Variants in NUP93 observed in about 807,000 individuals in gnomAD.
NUP93 encodes the protein nucleoporin 93.
Under a neutral mutation model 107.8 loss-of-function variants are expected in NUP93, and 55 were observed. That is an observed-to-expected ratio of 0.51 (90% confidence interval 0.41 to 0.64). The LOEUF is 0.64. Among genes scored for constraint, NUP93 ranks in the 30% least tolerant of loss-of-function variants. The pLI, the probability that NUP93 is intolerant of heterozygous loss-of-function variation, is 0.00. For synonymous variants in NUP93, 390 were observed against 397.5 expected, an observed-to-expected ratio of 0.98 and a Z score of 0.22; for missense variants, 937 against 1,044.7, an observed-to-expected ratio of 0.90 and a Z score of 1.42.
At chr16:56,810,524 C>G (rs901955734) in intron 5 of NUP93, among the ~76,000 whole-genome samples, 6 of 152,092 alleles carry the variant, frequency 3.9e-5, no homozygotes, top group Admixed American at 6.5e-5. Context: ...CTGGGCTACT[C>G]AAGAGCCTCA....
At chr16:56,783,980 G>A (rs960799528) in intron 3 of NUP93, 3 of 762,170 alleles carry the variant, frequency 3.9e-6, no homozygotes, top group Non-Finnish European at 4.8e-6. Context: ...AAAGTGTAAC[G>A]CAGAGGTTCT....
intron 4 of NUP93, among the ~76,000 whole-genome samples, chr16:56,803,547 C>T (rs1428575492): frequency 2.0e-5 from 3 of 151,616 alleles, no homozygotes; most frequent in Admixed American, 6.6e-5. Flanking sequence ...TTTTATAATC[C>T]GTCATTATTT....
chr16:56,839,129 C>T (rs1369663104), intron 19 of NUP93, 60 bp downstream of exon 19: 2 of 1,100,318 alleles, frequency 1.8e-6, no homozygotes. Context: ...AAATTCAAAA[C>T]ACTTCATGGA....
Position 56,848,696 on chromosome 16 carries a change from C to G in NUP93, c.*4087C>G, listed in dbSNP as rs573995873. 2.6e-5 allele frequency: 4 copies of G among 152,244 alleles called. No individual in the cohort carries two copies. Among genetic ancestry groups the G allele is most frequent in the African/African-American group, 9.6e-5 (4 of 41,554 alleles). 9.4% of individuals were successfully genotyped at this position (152,244 alleles called of 1,614,324 possible). A position where few individuals can be genotyped will look rare whatever the true frequency, so the allele number is the denominator to read the frequency against. Reference sequence around the variant, plus strand: ...CAAGTGGTCTGTGCTGCTTTTTTGCCTTGTTACGCACATAACTTGTGACTG... The same window carrying G: ...CAAGTGGTCTGTGCTGCTTTTTTGCGTTGTTACGCACATAACTTGTGACTG... On this transcript the variant is annotated 3_prime_UTR_variant, in exon 22 of 22. Transcript: ENST00000308159.
At chr16:56,812,013 AGAG>A (rs1219490181) in intron 5 of NUP93, among the ~76,000 whole-genome samples, 1 of 152,182 alleles carries the variant, frequency 6.6e-6, no homozygotes, top group South Asian at 2.1e-4. Context: ...GCATATAAAT[AGAG>A]GAGATAATTA....
chr16:56,750,633 A>G (rs1167653741), intron 2 of NUP93, among the ~76,000 whole-genome samples: 1 of 152,184 alleles, frequency 6.6e-6, no homozygotes, highest in Admixed American at 6.5e-5. Context: ...ATCGGGTTTT[A>G]CAGCCCATGA....
intron 2 of NUP93, among the ~76,000 whole-genome samples, chr16:56,749,657 G>A (rs1961884096): frequency 6.6e-6 from 1 of 152,318 alleles, no homozygotes; most frequent in Non-Finnish European, 1.5e-5. Context: ...GGAGTATTAT[G>A]TAGGAGTGGG....
In NUP93 at chr16:56,848,990, T is replaced by TA. The variant is rs1176734617; in HGVS notation, c.*4382dup. The TA allele has an allele frequency of 6.6e-6, 1 of 152,212 alleles. No individual in the cohort carries two copies. The highest frequency in any genetic ancestry group is 1.5e-5 in the Non-Finnish European group (1 of 68,046). The allele number at this position is 152,212 out of a possible 1,614,324, so 9.4% of individuals were successfully genotyped here. A position where few individuals can be genotyped will look rare whatever the true frequency, so the allele number is the denominator to read the frequency against. On this transcript the variant is annotated 3_prime_UTR_variant, in exon 22 of 22. Transcript: ENST00000308159. ...CCTGTCCTAACCTTGGTTTTTGAAA[T>TA]ATGCTTCTCCTGTGTGCCCTCTCTG...
At chr16:56,790,682 A>G (rs1962740910) in intron 3 of NUP93, among the ~76,000 whole-genome samples, 1 of 152,204 alleles carries the variant, frequency 6.6e-6, no homozygotes, top group African/African-American at 2.4e-5. Context: ...TTCAGGGAGC[A>G]TTTTACTTAG....
intron 2 of NUP93, among the ~76,000 whole-genome samples, chr16:56,758,130 A>G (rs1567378162): frequency 6.6e-6 from 1 of 151,826 alleles, no homozygotes; most frequent in African/African-American, 2.4e-5. Flanking sequence ...TGCCTCTGCC[A>G]CTTCCTGACT....
chr16:56,742,028 C>G (rs1436298148), intron 1 of NUP93, among the ~76,000 whole-genome samples: 5 of 152,248 alleles, frequency 3.3e-5, no homozygotes, highest in Middle Eastern at 6.8e-3. Context: ...CATAACTGGG[C>G]TGTTTGGATT....
In NUP93 at chr16:56,832,130, T is replaced by C. The variant is rs558901250; in HGVS notation, c.1251+123T>C. ...GTGATCAGGACCAGTGGGTTCCTCG[T>C]CTCCTGTCCCCATTTTTTGTTGTGT... On this transcript the variant is annotated intron_variant, in intron 11 of 21. Transcript: ENST00000308159. 64 of 1,306,262 alleles carry C rather than the reference T, an allele frequency of 4.9e-5. 1 individual carries two copies. The South Asian group carries it at 7.9e-4, about 16-fold the overall frequency. The allele number at this position is 1,306,262 out of a possible 1,614,324, so 80.9% of individuals were successfully genotyped here.
intron 3 of NUP93, among the ~76,000 whole-genome samples, chr16:56,774,684 A>C (rs1596788891): frequency 6.6e-6 from 1 of 152,320 alleles, no homozygotes; most frequent in Admixed American, 6.5e-5. Context: ...TTGAAAATAC[A>C]TGCAGTGCTC....
intron 3 of NUP93, among the ~76,000 whole-genome samples, chr16:56,788,618 G>A (rs1267820012): frequency 6.6e-6 from 1 of 152,206 alleles, no homozygotes; most frequent in African/African-American, 2.4e-5. Flanking sequence ...AGAGAGAAGT[G>A]CAAATAACAG....
chr16:56,803,407 G>T (rs1317400100), intron 4 of NUP93, among the ~76,000 whole-genome samples: 1 of 152,114 alleles, frequency 6.6e-6, no homozygotes, highest in African/African-American at 2.4e-5. Context: ...GGAGTTTGCA[G>T]TGAGCTGAGA....
chr16:56,826,587 A>G (rs1185563831), intron 8 of NUP93, among the ~76,000 whole-genome samples: 1 of 151,706 alleles, frequency 6.6e-6, no homozygotes, highest in Non-Finnish European at 1.5e-5. Flanking sequence ...TTTGTTTTTC[A>G]TTATAAAAAT....
At chr16:56,752,329 A>G (rs1449276802) in intron 2 of NUP93, among the ~76,000 whole-genome samples, 1 of 152,200 alleles carries the variant, frequency 6.6e-6, no homozygotes, top group Non-Finnish European at 1.5e-5. Flanking sequence ...CAAAAATTGA[A>G]AACAAACAAA....
intron 1 of NUP93, among the ~76,000 whole-genome samples, chr16:56,742,988 A>G (rs1330120310): frequency 2.6e-5 from 4 of 152,274 alleles, no homozygotes; most frequent in East Asian, 1.9e-4. Flanking sequence ...CATGAATACT[A>G]TAACAGATTA....
At chr16:56,735,708 A>G (rs1961600114) in intron 1 of NUP93, among the ~76,000 whole-genome samples, 1 of 151,908 alleles carries the variant, frequency 6.6e-6, no homozygotes. Flanking sequence ...CGTGCCTGTT[A>G]TCCCAGTTAC....
Sources: gnomAD v4.1 joint callset for allele counts (sites outside exome capture counted in the v4.1 genomes callset) on GRCh38, gnomAD v4.1.1 for gene constraint, MANE v1.5 for transcripts, NCBI Gene and HGNC (gene_info 2026-07-23, HGNC 2026-07-21) for gene names.